The following PTPRT variants were observed in gnomAD, a reference collection of about 807,000 sequenced individuals.
PTPRT encodes protein tyrosine phosphatase receptor type T.
PTPRT carries 56 observed loss-of-function variants against 176.8 expected under a neutral mutation model. The ratio of observed to expected loss-of-function variants is 0.32; its 90% CI spans 0.26 to 0.40. PTPRT has a LOEUF of 0.40. Among genes scored for constraint, PTPRT ranks in the 10% least tolerant of loss-of-function variants. The pLI, the probability that PTPRT is intolerant of heterozygous loss-of-function variation, is 1.00. For missense variants in PTPRT, 1,540 were observed against 1,908.2 expected (o/e 0.81, Z 3.60); for synonymous variants, 783 against 739.0 (o/e 1.06, Z -0.96).
intron 1 of PTPRT, among the ~76,000 whole-genome samples, chr20:43,138,298 A>G (rs893093078): frequency 2.6e-5 from 4 of 152,242 alleles, no homozygotes; most frequent in Non-Finnish European, 5.9e-5. Flanking sequence ...CGAGTAGGCC[A>G]GAGCCAGGAG....
chr20:42,877,659 G>A (rs2078955923), intron 2 of PTPRT, among the ~76,000 whole-genome samples: 1 of 152,102 alleles, frequency 6.6e-6, no homozygotes, highest in South Asian at 2.1e-4. Context: ...CCAGCATTGC[G>A]GTTACAAATA....
At chr20:42,275,551 G>A (rs1339438686) in intron 13 of PTPRT, among the ~76,000 whole-genome samples, 1 of 152,134 alleles carries the variant, frequency 6.6e-6, no homozygotes, top group Non-Finnish European at 1.5e-5. Flanking sequence ...TTGTCTTCCT[G>A]AGTGGGGTAT....
intron 11 of PTPRT, among the ~76,000 whole-genome samples, chr20:42,316,325 C>T (rs2145378294): frequency 6.6e-6 from 1 of 152,306 alleles, no homozygotes; most frequent in Middle Eastern, 3.4e-3. Flanking sequence ...ATCTAGGGCT[C>T]ATCCTCAGTT....
chr20:42,410,055 G>A (rs1269906751), intron 9 of PTPRT, among the ~76,000 whole-genome samples: 3 of 151,788 alleles, frequency 2.0e-5, no homozygotes, highest in East Asian at 1.9e-4. Context: ...GAAAAACAAC[G>A]GTAACTATGA....
At chr20:42,159,362 T>C (rs564222052) in intron 17 of PTPRT, among the ~76,000 whole-genome samples, 17 of 152,118 alleles carry the variant, frequency 1.1e-4, no homozygotes, top group Non-Finnish European at 2.4e-4. Context: ...CTGAAGGCCA[T>C]GCTGTCTATA....
intron 1 of PTPRT, among the ~76,000 whole-genome samples, chr20:43,083,339 T>TACATATATATATATAC (rs1555828940): frequency 2.7e-5 from 3 of 109,244 alleles, no homozygotes; most frequent in African/African-American, 1.0e-4. Context: ...TATATATATA[T>TACATATATATATATAC]ATATATATAT....
At chr20:43,091,954 G>A (rs773062881) in intron 1 of PTPRT, among the ~76,000 whole-genome samples, 5 of 152,196 alleles carry the variant, frequency 3.3e-5, no homozygotes, top group Non-Finnish European at 7.3e-5. Flanking sequence ...AACATGCCCT[G>A]AGTCTAGCAA....
intron 7 of PTPRT, among the ~76,000 whole-genome samples, chr20:42,483,556 C>T (rs1374523370): frequency 1.3e-5 from 2 of 152,200 alleles, no homozygotes. Flanking sequence ...GTATGTGTCC[C>T]ACCCCATCCC....
intron 1 of PTPRT, among the ~76,000 whole-genome samples, chr20:43,088,471 T>C (rs1016570318): frequency 6.6e-5 from 10 of 152,016 alleles, no homozygotes; most frequent in Admixed American, 1.3e-4. Flanking sequence ...AAATATTTAC[T>C]GAGTGCCCTG....
intron 15 of PTPRT, among the ~76,000 whole-genome samples, chr20:42,209,120 C>A (rs534619372): frequency 3.9e-5 from 6 of 152,244 alleles, no homozygotes; most frequent in African/African-American, 1.4e-4. Flanking sequence ...CACAACATAC[C>A]AGAATCTCTG....
chr20:42,102,397 A>G, intron 25 of PTPRT, 100 bp from the exon 26 acceptor site: 1 of 1,297,564 alleles, frequency 7.7e-7, no homozygotes, highest in Admixed American at 2.1e-5. Context: ...GCCTATTTCC[A>G]CCCTCTAAGC....
At chr20:43,157,423 A>G (rs2014555479) in intron 1 of PTPRT, among the ~76,000 whole-genome samples, 1 of 152,196 alleles carries the variant, frequency 6.6e-6, no homozygotes, top group South Asian at 2.1e-4. Context: ...GGGGATGGGA[A>G]GCAGAAACAG....
At chr20:43,129,071 T>C (rs1311234493) in intron 1 of PTPRT, among the ~76,000 whole-genome samples, 1 of 152,228 alleles carries the variant, frequency 6.6e-6, no homozygotes, top group African/African-American at 2.4e-5. Context: ...TCTTGTTGTA[T>C]TCACTCTCAT....
In PTPRT at chr20:42,912,320, T is replaced by G. The variant is rs181349606; in HGVS notation, c.89-26388A>C. Among the ~76,000 whole-genome samples, 6 of 152,344 alleles carry G rather than the reference T, an allele frequency of 3.9e-5. No homozygotes were observed. In the East Asian group the frequency reaches 1.2e-3, roughly 29 times the overall value. ...TATTTGAATATTAGGTGAGGTTGAA[T>G]GTTTTTTATAAGTTCAACTGGCCAT... On this transcript the variant is annotated intron_variant, in intron 1 of 30. Coordinates refer to ENST00000373187, the MANE Select transcript of PTPRT (RefSeq NM_007050.6).
chr20:43,090,716 G>A (rs2011807612), intron 1 of PTPRT, among the ~76,000 whole-genome samples: 1 of 152,066 alleles, frequency 6.6e-6, no homozygotes, highest in Non-Finnish European at 1.5e-5. Context: ...AGAATATAGA[G>A]CGAGGAGAAA....
chr20:42,588,429 C>G (rs1349516343), intron 7 of PTPRT, among the ~76,000 whole-genome samples: 1 of 151,876 alleles, frequency 6.6e-6, no homozygotes, highest in Non-Finnish European at 1.5e-5. Flanking sequence ...GCCTGGGCAA[C>G]AGAGCCAAAC....
At chr20:42,358,166 T>C (rs918674125) in intron 9 of PTPRT, among the ~76,000 whole-genome samples, 6 of 151,306 alleles carry the variant, frequency 4.0e-5, no homozygotes, top group Admixed American at 6.6e-5. Context: ...ACCATGGCTA[T>C]GCAAGATGTT....
the PTPRT span, among the ~76,000 whole-genome samples, chr20:42,059,197 G>T: frequency 1.3e-5 from 2 of 152,118 alleles, no homozygotes; most frequent in Non-Finnish European, 2.9e-5. Context: ...GGCAGAGTCC[G>T]GGTCTCCTGT....
chr20:43,127,669 C>T (rs962921523), intron 1 of PTPRT, among the ~76,000 whole-genome samples: 1 of 152,154 alleles, frequency 6.6e-6, no homozygotes, highest in South Asian at 2.1e-4. Context: ...TATGGCCAAC[C>T]TGGGCCCAGA....
Sources: gnomAD v4.1 joint callset for allele counts (sites outside exome capture counted in the v4.1 genomes callset) on GRCh38, gnomAD v4.1.1 for gene constraint, MANE v1.5 for transcripts, NCBI Gene and HGNC (gene_info 2026-07-23, HGNC 2026-07-21) for gene names.